The following GPC6 variants were observed in gnomAD, a reference collection of about 807,000 sequenced individuals.
GPC6 encodes the protein glypican 6.
In GPC6, 14 loss-of-function variants were observed where a neutral mutation model predicts 55.2. The observed-to-expected ratio is 0.25, with a 90% CI of 0.17 to 0.40. The LOEUF is 0.40. GPC6 is among the 10% of genes least tolerant of loss of function. The pLI is 1.00. For synonymous variants in GPC6, 278 were observed against 259.6 expected (o/e 1.07, Z -0.68); for missense variants, 641 against 708.5 (o/e 0.90, Z 1.08).
intron 6 of GPC6, among the ~76,000 whole-genome samples, chr13:94,313,007 C>T (rs1434223712): frequency 6.6e-6 from 1 of 152,298 alleles, no homozygotes; most frequent in Non-Finnish European, 1.5e-5. Context: ...CCCACTGAGA[C>T]ACCCCAGTTT....
chr13:94,311,679 T>A (rs542768692), intron 6 of GPC6, among the ~76,000 whole-genome samples: 2 of 152,320 alleles, frequency 1.3e-5, no homozygotes, highest in East Asian at 3.9e-4. Context: ...GTCCCCTGAG[T>A]ACTATCCCCA....
intron 2 of GPC6, among the ~76,000 whole-genome samples, chr13:93,669,039 C>T (rs1241770447): frequency 1.3e-5 from 2 of 152,168 alleles, no homozygotes; most frequent in African/African-American, 2.4e-5. Flanking sequence ...GGAGCCCTGC[C>T]ATGAGGCATA....
intron 7 of GPC6, among the ~76,000 whole-genome samples, chr13:94,391,726 T>A (rs901059863): frequency 1.3e-5 from 2 of 152,202 alleles, no homozygotes; most frequent in African/African-American, 4.8e-5. Flanking sequence ...TGTGCAACCA[T>A]CATCACCATC....
chr13:93,993,277 C>T (rs1235482257), intron 3 of GPC6, among the ~76,000 whole-genome samples: 1 of 151,168 alleles, frequency 6.6e-6, no homozygotes, highest in African/African-American at 2.4e-5. Context: ...AATTCTAATT[C>T]ATGAGCATTC....
chr13:94,110,017 A>T (rs1445528634), intron 4 of GPC6, among the ~76,000 whole-genome samples: 1 of 149,386 alleles, frequency 6.7e-6, no homozygotes, highest in Non-Finnish European at 1.5e-5. Flanking sequence ...AAAGTTAATT[A>T]TCTTGAGTGT....
At chr13:94,316,492 C>T (rs1344681829) in intron 6 of GPC6, among the ~76,000 whole-genome samples, 3 of 151,920 alleles carry the variant, frequency 2.0e-5, no homozygotes, top group Admixed American at 6.5e-5. Flanking sequence ...CCGAGGCGGG[C>T]GGATCACGAG....
intron 4 of GPC6, among the ~76,000 whole-genome samples, chr13:94,172,259 G>GT (rs1243258779): frequency 2.6e-5 from 4 of 151,402 alleles, no homozygotes; most frequent in Non-Finnish European, 5.9e-5. Flanking sequence ...ATAAAAATGC[G>GT]TATCTCATAG....
intron 4 of GPC6, among the ~76,000 whole-genome samples, chr13:94,266,221 T>G (rs906320834): frequency 2.6e-5 from 4 of 151,604 alleles, no homozygotes; most frequent in African/African-American, 9.7e-5. Context: ...CAGGCTGGAG[T>G]GCAGTGGCAC....
At chr13:94,280,690 A>T (rs1892353617) in intron 4 of GPC6, among the ~76,000 whole-genome samples, 1 of 152,180 alleles carries the variant, frequency 6.6e-6, no homozygotes, top group East Asian at 1.9e-4. Context: ...TGATTTTTTT[A>T]AATTCTTTTG....
intron 4 of GPC6, among the ~76,000 whole-genome samples, chr13:94,145,973 A>T (rs149067533): frequency 2.5e-3 from 386 of 152,310 alleles, no homozygotes; most frequent in Middle Eastern, 0.014. Flanking sequence ...CTGAGCTAAG[A>T]TTTTATTTAG....
At chr13:93,218,006 G>A in the GPC6 span, among the ~76,000 whole-genome samples, 2 of 152,006 alleles carry the variant, frequency 1.3e-5, no homozygotes, top group African/African-American at 4.8e-5. Context: ...AACATCAGGA[G>A]AAATCCAAAG....
intron 3 of GPC6, among the ~76,000 whole-genome samples, chr13:94,022,299 C>G (rs183658796): frequency 1.1e-4 from 16 of 152,082 alleles, no homozygotes; most frequent in Non-Finnish European, 2.4e-4. Context: ...TATAATTGAC[C>G]CTTTTTCCCC....
intron 3 of GPC6, among the ~76,000 whole-genome samples, chr13:93,996,582 T>C (rs2140420341): frequency 6.6e-6 from 1 of 152,286 alleles, no homozygotes; most frequent in South Asian, 2.1e-4. Flanking sequence ...AAACATTTAA[T>C]AGTTGAAAAA....
At chr13:93,706,635 T>C (rs1394836181) in intron 2 of GPC6, among the ~76,000 whole-genome samples, 2 of 151,848 alleles carry the variant, frequency 1.3e-5, no homozygotes, top group Non-Finnish European at 2.9e-5. Context: ...ATGTAGGGAA[T>C]AACTAGGCTT....
intron 4 of GPC6, among the ~76,000 whole-genome samples, chr13:94,150,414 T>G (rs544125664): frequency 1.3e-5 from 2 of 152,230 alleles, no homozygotes; most frequent in South Asian, 2.1e-4. Flanking sequence ...CTTTGAAGTC[T>G]CAGCTTTTTA....
chr13:93,231,406 T>C (rs1263104151), intron 1 of GPC6, among the ~76,000 whole-genome samples: 14 of 39,694 alleles, frequency 3.5e-4, no homozygotes, highest in African/African-American at 1.3e-3. Context: ...TGTATATATA[T>C]ATATATATAT....
At chr13:94,350,025 C>T (rs9524451) in intron 6 of GPC6, among the ~76,000 whole-genome samples, 6,355 of 151,826 alleles carry the variant, frequency 0.042, 215 homozygotes, top group Non-Finnish European at 0.068. Flanking sequence ...ATCCTACTCT[C>T]GGAAGATGTG....
rs544615746 is a variant in GPC6, at chr13:93,847,232, G to A, written c.711+16687G>A. Among the ~76,000 whole-genome samples the A allele has an allele frequency of 1.1e-4, 16 of 152,150 alleles. 1 individual carries two copies. In the South Asian group the frequency reaches 1.7e-3, roughly 16 times the overall value. On this transcript the variant is annotated intron_variant, in intron 3 of 8. Coordinates refer to ENST00000377047, the MANE Select transcript of GPC6 (RefSeq NM_005708.5). ...ATGAACTACTCTGTGATTTTCAGTC[G>A]GCTCTGGGGAAGTGGAGGAGACGCA...
chr13:93,653,702 TG>T (rs1460136790), intron 2 of GPC6, among the ~76,000 whole-genome samples: 4 of 152,082 alleles, frequency 2.6e-5, no homozygotes, highest in Admixed American at 2.0e-4. Flanking sequence ...TAAAGTTTAC[TG>T]TCAATTTTGA....
Sources: gnomAD v4.1 joint callset for allele counts (sites outside exome capture counted in the v4.1 genomes callset) on GRCh38, gnomAD v4.1.1 for gene constraint, MANE v1.5 for transcripts, NCBI Gene and HGNC (gene_info 2026-07-23, HGNC 2026-07-21) for gene names.